Variants in MRC2 observed in about 807,000 individuals in gnomAD.
MRC2 encodes mannose receptor C-type 2, also known as C-type mannose receptor 2.
Under a neutral mutation model 206.2 loss-of-function variants are expected in MRC2, and 84 were observed. The observed-to-expected ratio is 0.41, with a 90% confidence interval of 0.34 to 0.49. MRC2 has a LOEUF of 0.49. MRC2 is among the 20% of genes least tolerant of loss of function. The pLI is 0.31. For synonymous variants in MRC2, 798 were observed against 800.0 expected, an observed-to-expected ratio of 1.00 and a Z score of 0.04; for missense variants, 1,676 against 2,001.5, an observed-to-expected ratio of 0.84 and a Z score of 3.10.
intron 1 of MRC2, among the ~76,000 whole-genome samples, chr17:62,628,592 C>T (rs1200384478): frequency 2.6e-5 from 4 of 152,222 alleles, no homozygotes; most frequent in African/African-American, 7.2e-5. Flanking sequence ...GTGGGCAGCT[C>T]TGGGCACACT....
chr17:62,676,689 C>A (rs539906698), intron 11 of MRC2, 158 bp downstream of exon 11: 223 of 838,846 alleles, frequency 2.7e-4, no homozygotes, highest in Non-Finnish European at 3.6e-4. Flanking sequence ...AACTGCCTGG[C>A]TCCGATCATG....
At position 62,680,359 on chromosome 17, in the gene MRC2, G is replaced by T. The variant is rs1169384964; in HGVS notation, c.2437+51G>T. ...GCGGGATGGAGCGAAGGGTGGCGGGGCCAGGAATTCCAGGGAGGGTCTCCT... is the reference window on the plus strand; with the variant it reads ...GCGGGATGGAGCGAAGGGTGGCGGGTCCAGGAATTCCAGGGAGGGTCTCCT... On this transcript the variant is annotated intron_variant, in intron 15 of 29. Transcript: ENST00000303375. This position sits in a 1 kb window ranked among gnomAD's most constrained non-coding sequence, Gnocchi z 4.8. 2 of 1,613,600 alleles carry T rather than the reference G, an allele frequency of 1.2e-6. No individual in the cohort carries two copies. Among genetic ancestry groups the T allele is most frequent in the Non-Finnish European group, 8.5e-7 (1 of 1,179,752 alleles).
chr17:62,688,675 C>A lies in MRC2; in HGVS notation c.3225+11C>A. ...AGTGGCAACAAACCGGTGAGGATGC[C>A]CTCCCTGTTCCCCTCCGCACCGCGC... On this transcript the variant is annotated intron_variant, in intron 22 of 29. Coordinates refer to ENST00000303375, the MANE Select transcript of MRC2 (RefSeq NM_006039.5). 1 of 1,612,776 alleles carries A rather than the reference C, an allele frequency of 6.2e-7. No individual in the cohort carries two copies. Among genetic ancestry groups the A allele is most frequent in the Non-Finnish European group, 8.5e-7 (1 of 1,179,660 alleles).
chr17:62,633,518 AAAAAG>A (rs1265117258), intron 1 of MRC2, among the ~76,000 whole-genome samples: 2 of 151,142 alleles, frequency 1.3e-5, no homozygotes, highest in Non-Finnish European at 2.9e-5. Context: ...AAAAAAAAAA[AAAAAG>A]AGAAAACATG....
At chr17:62,669,170 G>A (rs2088795377) in intron 6 of MRC2, among the ~76,000 whole-genome samples, 1 of 151,556 alleles carries the variant, frequency 6.6e-6, no homozygotes. Context: ...CAAAACTTCT[G>A]CTCCTGACCA....
At chr17:62,656,009 A>G (rs1323574050) in intron 1 of MRC2, among the ~76,000 whole-genome samples, 1 of 151,556 alleles carries the variant, frequency 6.6e-6, no homozygotes, top group Non-Finnish European at 1.5e-5. Context: ...CCTGCCTCAG[A>G]CTCCCGAGTA....
chr17:62,686,938 C>G (rs936013343), intron 20 of MRC2, among the ~76,000 whole-genome samples: 1 of 152,202 alleles, frequency 6.6e-6, no homozygotes, highest in African/African-American at 2.4e-5. Flanking sequence ...AAGGATGGTG[C>G]TGGAGCTAAT....
chr17:62,665,123 G>C (rs1013637475), intron 2 of MRC2, among the ~76,000 whole-genome samples, 174 bp downstream of exon 2: 14 of 152,216 alleles, frequency 9.2e-5, no homozygotes, highest in African/African-American at 3.4e-4. Flanking sequence ...CTTCAGGCCA[G>C]GTGCGGTGGC....
chr17:62,682,471 C>G, intron 20 of MRC2, 94 bp downstream of exon 20: 1 of 1,419,656 alleles, frequency 7.0e-7, no homozygotes, highest in Non-Finnish European at 9.4e-7. Context: ...TTTGGCAGCA[C>G]CAAACTCATG....
At position 62,672,044 on chromosome 17, in the gene MRC2, G is replaced by A; in HGVS notation, c.1353G>A (p.Met451Ile). 6.2e-7 allele frequency: 1 copy of A among 1,614,152 alleles called. No homozygotes were observed. Among genetic ancestry groups the A allele is most frequent in the Non-Finnish European group, 8.5e-7 (1 of 1,180,038 alleles). ...WIGLNDLKLQ[M>I]NFEWSDGSLV... The stretch of plus-strand genomic sequence containing the variant: ...GCCTCAACGATTTGAAACTGCAGAT[G>A]AATTTTGAGTGGTCTGACGGGAGCC... The change falls in exon 8 of 30, where the codon ATG becomes ATA. Residue 451 changes from methionine to isoleucine, a missense_variant. Transcript: ENST00000303375. The surrounding 1 kb of genome is among the most constrained non-coding windows in gnomAD (Gnocchi z 4.5).
rs1035445121 is a variant in MRC2, at chr17:62,652,377, G to A, written c.119-12171G>A. Reference sequence around the variant, plus strand: ...TGGAGTGGTGGCCGCTGTCGGCGATGGGGTCCCCGCGAGGGCACAAGTGAT... The same window carrying A: ...TGGAGTGGTGGCCGCTGTCGGCGATAGGGTCCCCGCGAGGGCACAAGTGAT... On this transcript the variant is annotated intron_variant, in intron 1 of 29. Coordinates refer to ENST00000303375, the MANE Select transcript of MRC2 (RefSeq NM_006039.5). This position sits in a 1 kb window ranked among gnomAD's most constrained non-coding sequence, Gnocchi z 4.6. Among the ~76,000 whole-genome samples, 1 of 152,264 alleles carries A rather than the reference G, an allele frequency of 6.6e-6. No individual in the cohort carries two copies. The highest frequency in any genetic ancestry group is 1.5e-5 in the Non-Finnish European group (1 of 68,046).
At chr17:62,637,278 G>A (rs936541347) in intron 1 of MRC2, among the ~76,000 whole-genome samples, 1 of 152,218 alleles carries the variant, frequency 6.6e-6, no homozygotes, top group Non-Finnish European at 1.5e-5. Context: ...GTGCATGCCT[G>A]TAATCCCAGC....
At chr17:62,628,553 G>A (rs1209402424) in intron 1 of MRC2, among the ~76,000 whole-genome samples, 1 of 152,236 alleles carries the variant, frequency 6.6e-6, no homozygotes, top group Non-Finnish European at 1.5e-5. Context: ...CAACAGGCTG[G>A]GCGCCGCCGT....
intron 1 of MRC2, among the ~76,000 whole-genome samples, chr17:62,640,953 C>G (rs2088395135): frequency 6.6e-6 from 1 of 151,894 alleles, no homozygotes; most frequent in Non-Finnish European, 1.5e-5. Flanking sequence ...CCACCCGCCT[C>G]AGCCTCAGCC....
intron 10 of MRC2, 52 bp from the exon 11 acceptor site, chr17:62,676,330 TG>T: frequency 3.1e-6 from 5 of 1,604,896 alleles, no homozygotes; most frequent in Non-Finnish European, 4.2e-6. Context: ...GGCCTGTGAC[TG>T]GGGGATTGGG....
rs2088953934 is a variant in MRC2 at position 62,680,743 on chromosome 17, G to A, written c.2474-57G>A. The A allele has an allele frequency of 1.2e-5, 17 of 1,445,394 alleles. No individual in the cohort carries two copies. In the South Asian group the frequency reaches 2.2e-4, roughly 19 times the overall value. 89.5% of individuals were successfully genotyped at this position (1,445,394 alleles called of 1,614,324 possible). ...CCGGCCCTGCCGCGCCCGCCTCCGG[G>A]GCCTGGCGTGCAGCCTCTGCCTGGC... On this transcript the variant is annotated intron_variant, in intron 16 of 29. Coordinates refer to ENST00000303375, the MANE Select transcript of MRC2 (RefSeq NM_006039.5). The surrounding 1 kb of genome is among the most constrained non-coding windows in gnomAD (Gnocchi z 4.8).
chr17:62,627,987 C>A (rs546977240), intron 1 of MRC2, 67 bp downstream of exon 1: 2 of 1,085,636 alleles, frequency 1.8e-6, no homozygotes, highest in East Asian at 3.2e-5. Flanking sequence ...GCGGGCCGCT[C>A]TCGACTTTTC....
chr17:62,688,425 C>T (rs201049320), intron 21 of MRC2, 22 bp downstream of exon 21: 33 of 1,613,672 alleles, frequency 2.0e-5, no homozygotes, highest in Non-Finnish European at 2.4e-5. Flanking sequence ...CTATGGGGAG[C>T]CCCCAGTATC....
rs773072954 is a variant in MRC2 at position 62,681,836 on chromosome 17, G to T, written c.2703-1G>T. 1 of 1,612,464 alleles carries T rather than the reference G, an allele frequency of 6.2e-7. No homozygotes were observed. Among genetic ancestry groups the T allele is most frequent in the Non-Finnish European group, 8.5e-7 (1 of 1,179,242 alleles). On this transcript the variant is annotated splice_acceptor_variant, in intron 18 of 29. Coordinates refer to ENST00000303375, the MANE Select transcript of MRC2 (RefSeq NM_006039.5). LOFTEE classifies it high-confidence loss of function. ...GTTACCTCTGCTCCATGCCATTGCA[G>T]ATGGACAGATGGTTCCATTATAAAC...
Sources: gnomAD v4.1 joint callset for allele counts (sites outside exome capture counted in the v4.1 genomes callset) on GRCh38, gnomAD v4.1.1 for gene constraint, Gnocchi (gnomAD v3.1) non-coding constraint, MANE v1.5 for transcripts, NCBI Gene and HGNC (gene_info 2026-07-23, HGNC 2026-07-21) for gene names.